The following BRD2 variants were observed in gnomAD, a reference collection of about 807,000 sequenced individuals.
BRD2 encodes the protein bromodomain-containing protein 2.
In BRD2, 15 loss-of-function variants were observed where a neutral mutation model predicts 79.1. That is an observed-to-expected ratio of 0.19 (90% CI 0.13 to 0.29). The LOEUF (loss-of-function observed/expected upper bound fraction) is 0.29, where lower values mean the gene tolerates loss of function less well. Ranked by LOEUF, BRD2 falls within the 10% of genes least tolerant of loss-of-function variation. The pLI is 1.00. For synonymous variants in BRD2, 488 were observed against 358.6 expected (o/e 1.36, Z -4.08); for missense variants, 1,053 against 991.3 (o/e 1.06, Z -0.84).
intron 11 of BRD2, 55 bp from the exon 12 acceptor site, chr6:32,980,287 C>A: frequency 1.2e-6 from 2 of 1,603,882 alleles, no homozygotes; most frequent in Admixed American, 1.7e-5. Flanking sequence ...CTTAGGGGCC[C>A]ATAATAAGAT....
At position 32,978,106 on chromosome 6, in the gene BRD2, TC is replaced by T. The variant is rs1394588428; in HGVS notation, c.1579-19del. On this transcript the variant is annotated intron_variant, in intron 9 of 12. Coordinates refer to ENST00000374825, the MANE Select transcript of BRD2 (RefSeq NM_005104.4). ...TTTATCTTTATTTACTTTTTCCACT[TC>T]ATGTTTTTTTTCCTTTAGCTTCGGG... is the stretch of plus-strand genomic sequence containing the variant. 1.3e-6 allele frequency: 2 copies of T among 1,595,190 alleles called. No homozygotes were observed. Among genetic ancestry groups the T allele is most frequent in the Non-Finnish European group, 1.7e-6 (2 of 1,174,002 alleles).
intron 4 of BRD2, 30 bp from the exon 5 acceptor site, chr6:32,976,001 C>A: frequency 6.4e-7 from 1 of 1,574,536 alleles, no homozygotes; most frequent in Non-Finnish European, 8.6e-7. Context: ...CATTTTTTAA[C>A]TTTCTTTATT....
rs771625515 is a variant in BRD2, at chr6:32,975,367, A to AAC, written c.334-15_334-14dup. ...ATTTATTTTTCTGTGGTTCTGACCTAACATTTTTTTATTTAGGATTATCAC... is the reference window on the plus strand; with the variant it reads ...ATTTATTTTTCTGTGGTTCTGACCTAACACATTTTTTTATTTAGGATTATCAC... On this transcript the variant is annotated splice_polypyrimidine_tract_variant and intron_variant, in intron 3 of 12. Transcript: ENST00000374825. 23 of 1,593,284 alleles carry AAC rather than the reference A, an allele frequency of 1.4e-5. No individual in the cohort carries two copies. In the African/African-American group the frequency reaches 2.7e-4, roughly 19 times the overall value.
rs920166870 is a variant in BRD2, at chr6:32,968,985, C to T, written c.-1376C>T. 7.9e-5 allele frequency: 16 copies of T among 202,556 alleles called. No individual in the cohort carries two copies. The highest frequency in any genetic ancestry group is 3.3e-4 in the African/African-American group (14 of 43,068). The allele number at this position is 202,556 out of a possible 1,614,324, so 12.5% of individuals were successfully genotyped here. On this transcript the variant is annotated 5_prime_UTR_variant, in exon 1 of 13. Coordinates refer to ENST00000374825, the MANE Select transcript of BRD2 (RefSeq NM_005104.4). ...GCTTCGTTTTCTGGGGGGGGGTTGA[C>T]ACCCCGGATTACATACCCCGTACCA... is the stretch of plus-strand genomic sequence containing the variant.
In BRD2 at chr6:32,972,659, A is replaced by G; in HGVS notation, c.-240A>G. On this transcript the variant is annotated 5_prime_UTR_variant, in exon 2 of 13. Transcript: ENST00000374825. The stretch of plus-strand genomic sequence containing the variant: ...CCTCCTTAGTTGCCCGCCTCAGCTG[A>G]GGCCGCCGCCATTTTCTTGCTGTCC... 1.6e-6 allele frequency: 1 copy of G among 612,064 alleles called. No homozygotes were observed. The highest frequency in any genetic ancestry group is 2.9e-6 in the Non-Finnish European group (1 of 347,704). 37.9% of individuals were successfully genotyped at this position (612,064 alleles called of 1,614,324 possible). A position where few individuals can be genotyped will look rare whatever the true frequency, so the allele number is the denominator to read the frequency against.
At position 32,977,818 on chromosome 6, in the gene BRD2, C is replaced by T; in HGVS notation, c.1391C>T (p.Pro464Leu). Residue 464 changes from proline (P) to leucine (L), a missense_variant, in exon 9 of 13, where the codon CCA becomes CTA. Coordinates refer to ENST00000374825, the MANE Select transcript of BRD2 (RefSeq NM_005104.4). ...GAACCACTAGAACCAGGGCCTTTAC[C>T]AGTCTCTACTGCCATGCCCCCTGGC... ...PDEPLEPGPL[P>L]VSTAMPPGLA... is the part of the protein sequence containing the mutation. The T allele has an allele frequency of 6.2e-7, 1 of 1,613,086 alleles. No individual in the cohort carries two copies. The highest frequency in any genetic ancestry group is 8.5e-7 in the Non-Finnish European group (1 of 1,180,042).
chr6:32,972,826 C>G lies in BRD2; in HGVS notation c.-73C>G. ...CCCCAACTTAGCGGGTTATGCTGGACCGGGCGGTGAGGGGAACCGAGGCCA... is the reference window on the plus strand; with the variant it reads ...CCCCAACTTAGCGGGTTATGCTGGAGCGGGCGGTGAGGGGAACCGAGGCCA... On this transcript the variant is annotated 5_prime_UTR_variant, in exon 2 of 13. Coordinates refer to ENST00000374825, the MANE Select transcript of BRD2 (RefSeq NM_005104.4). 1.9e-6 allele frequency: 3 copies of G among 1,609,650 alleles called. No homozygotes were observed. The African/African-American group carries it at 4.0e-5, about 21-fold the overall frequency.
intron 1 of BRD2, among the ~76,000 whole-genome samples, chr6:32,970,071 T>G (rs1239336889): frequency 3.9e-5 from 6 of 152,200 alleles, no homozygotes; most frequent in African/African-American, 1.4e-4. Flanking sequence ...GAGAGCAATG[T>G]CTGGCTGCCC....
chr6:32,973,113 C>G lies in BRD2; in HGVS notation c.29+186C>G, dbSNP rs754252649. On this transcript the variant is annotated intron_variant, in intron 2 of 12. Transcript: ENST00000374825. ...CGGTGGTGGCGGCTCGGCTACTGCT[C>G]GTGGAGGGGAATACAGGTTGTCAAT... The G allele has an allele frequency of 1.2e-5, 19 of 1,555,490 alleles. No homozygotes were observed. In the East Asian group the frequency reaches 3.7e-4, roughly 30 times the overall value.
At chr6:32,979,785 G>A (rs771816646) in intron 10 of BRD2, 43 bp from the exon 11 acceptor site, 2 of 1,586,154 alleles carry the variant, frequency 1.3e-6, no homozygotes, top group South Asian at 1.1e-5. Context: ...TACTGGAAGA[G>A]GTTAATGAAG....
chr6:32,980,655 A>G lies in BRD2; in HGVS notation c.2343A>G (p.Ser781=), dbSNP rs570074287. ...GCCTTAGCGCTTCCAGCTCCAGCTC[A>G]GATTCCAGCTCCTCCTCTTCCTCGT... ...VSRLSASSSS[S]DSSSSSSSSS... is the part of the protein sequence containing the mutation. Residue 781 remains serine (S), a synonymous_variant, in exon 13 of 13, where the codon TCA becomes TCG. Coordinates refer to ENST00000374825, the MANE Select transcript of BRD2 (RefSeq NM_005104.4). 44 of 1,613,162 alleles carry G rather than the reference A, an allele frequency of 2.7e-5. No homozygotes were observed. Among genetic ancestry groups the G allele is most frequent in the African/African-American group, 1.6e-4 (12 of 75,066 alleles).
chr6:32,980,469 G>C lies in BRD2; in HGVS notation c.2269+5G>C. 6.2e-7 allele frequency: 1 copy of C among 1,613,048 alleles called. No individual in the cohort carries two copies. Among genetic ancestry groups the C allele is most frequent in the Non-Finnish European group, 8.5e-7 (1 of 1,180,020 alleles). ...CTAAAAAGCCCCCCAAGAAAGGTGA[G>C]TATATACTTTCATGCCACTACAGAT... On this transcript the variant is annotated splice_donor_5th_base_variant and intron_variant, in intron 12 of 12. Transcript: ENST00000374825.
chr6:32,977,646 C>T (rs1778939686), intron 8 of BRD2, 76 bp downstream of exon 8: 8 of 1,601,940 alleles, frequency 5.0e-6, no homozygotes, highest in Non-Finnish European at 6.8e-6. Flanking sequence ...ATAGCCTCAA[C>T]GTGAGGGTCT....
chr6:32,980,277 C>G (rs1672129506), intron 11 of BRD2, 65 bp from the exon 12 acceptor site: 1 of 1,600,860 alleles, frequency 6.2e-7, no homozygotes, highest in African/African-American at 1.4e-5. Context: ...ACTTGGGAAC[C>G]TTAGGGGCCC....
chr6:32,974,675 C>T lies in BRD2; in HGVS notation c.243C>T (p.Tyr81=), dbSNP rs1185604286. The change falls in exon 3 of 13, where the codon TAC becomes TAT. Residue 81 remains tyrosine, a synonymous_variant. Transcript: ENST00000374825. The part of the protein sequence containing the change: ...KPGRVTNQLQ[Y]LHKVVMKALW... ...GACGAGTTACCAACCAGCTGCAATA[C>T]CTACACAAGGTAGTGATGAAGGCTC... 7 of 1,614,096 alleles carry T rather than the reference C, an allele frequency of 4.3e-6. No homozygotes were observed. The African/African-American group carries it at 5.3e-5, about 12-fold the overall frequency.
chr6:32,975,031 C>T (rs764969564), intron 3 of BRD2: 1 of 1,526,036 alleles, frequency 6.6e-7, no homozygotes, highest in South Asian at 1.2e-5. Flanking sequence ...ATTCCCACCT[C>T]GGGTTGGGAG....
rs1467347237 is a variant in BRD2, at chr6:32,972,048, TC to T, written c.-849del. 10 of 700,760 alleles carry T rather than the reference TC, an allele frequency of 1.4e-5. No individual in the cohort carries two copies. In the East Asian group the frequency reaches 1.6e-4, roughly 11 times the overall value. The allele number at this position is 700,760 out of a possible 1,614,324, so 43.4% of individuals were successfully genotyped here. ...AGAAAAAGCTCCCGCGGAGAGGTGT[TC>T]CTTCCCCTTCGACTCAGCTTCTTCA... is the stretch of plus-strand genomic sequence containing the variant. On this transcript the variant is annotated 5_prime_UTR_variant, in exon 2 of 13. It introduces an in-frame stop codon into an upstream open reading frame of the 5' UTR. Transcript: ENST00000374825.
Position 32,972,587 on chromosome 6 carries a change from T to C in BRD2, c.-312T>C. On this transcript the variant is annotated 5_prime_UTR_variant, in exon 2 of 13. Transcript: ENST00000374825. ...CCCTGCAGACCAACAGCGGGCTATA[T>C]TGACGACGGTGTCTGAGATCGGGGA... The C allele has an allele frequency of 1.9e-6, 1 of 533,970 alleles. No homozygotes were observed. The highest frequency in any genetic ancestry group is 3.3e-5 in the East Asian group (1 of 30,438). The allele number at this position is 533,970 out of a possible 1,614,324, so 33.1% of individuals were successfully genotyped here.
At position 32,977,442 on chromosome 6, in the gene BRD2, C is replaced by T. The variant is rs759508036; in HGVS notation, c.1201C>T (p.Arg401Trp). 53 of 1,613,714 alleles carry T rather than the reference C, an allele frequency of 3.3e-5. No individual in the cohort carries two copies. In the South Asian group the frequency reaches 5.1e-4, roughly 15 times the overall value. Residue 401 changes from arginine to tryptophan, a missense_variant and splice_region_variant, in exon 8 of 13, where the codon CGG (arginine) becomes TGG (tryptophan). Arg to Trp is a moderately radical substitution (Grantham distance 101). Transcript: ENST00000374825. ...KHPMDLSTVK[R>W]KMENRDYRDA... ...CTTCTGATGCTGCCTCCTTCTGCAG[C>T]GGAAGATGGAGAACCGTGATTACCG...
Sources: gnomAD v4.1 joint callset for allele counts (sites outside exome capture counted in the v4.1 genomes callset) on GRCh38, gnomAD v4.1.1 for gene constraint, MANE v1.5 for transcripts, NCBI Gene and HGNC (gene_info 2026-07-23, HGNC 2026-07-21) for gene names.